Variants in SLFN5 observed in about 807,000 individuals in gnomAD.
SLFN5 encodes schlafen family member 5.
Under a neutral mutation model 48.5 loss-of-function variants are expected in SLFN5, and 34 were observed. That is an observed-to-expected ratio of 0.70 (90% confidence interval 0.53 to 0.93). The LOEUF (loss-of-function observed/expected upper bound fraction) is 0.93, where lower values mean the gene tolerates loss of function less well. SLFN5 is among the 40% of genes least tolerant of loss of function. The pLI is 0.00. For missense variants in SLFN5, 1,006 were observed against 1,071.3 expected, an observed-to-expected ratio of 0.94 and a Z score of 0.85; for synonymous variants, 387 against 396.2, an observed-to-expected ratio of 0.98 and a Z score of 0.28.
chr17:35,246,597 G>C (rs888137891), intron 1 of SLFN5, among the ~76,000 whole-genome samples: 14 of 152,170 alleles, frequency 9.2e-5, no homozygotes, highest in African/African-American at 3.4e-4. Flanking sequence ...GCTCATGCCT[G>C]TAAACCCAGC....
Position 35,265,088 on chromosome 17 carries a change from A to T in SLFN5, c.1876A>T (p.Ile626Phe). The change falls in exon 5 of 5, where the codon ATC becomes TTC. Residue 626 changes from isoleucine (I) to phenylalanine (F), a missense_variant. Physicochemically the swap from Ile to Phe is conservative, Grantham distance 21 (BLOSUM62 0). Coordinates refer to ENST00000299977, the MANE Select transcript of SLFN5 (RefSeq NM_144975.4). ...KKLVSFSKKN[I>F]CQPVTRKTFM... ...TTCTTACAGTTTCAGCAAGAAAAAC[A>T]TCTGCCAGCCAGTGACCCGGAAAAC... The T allele has an allele frequency of 6.2e-7, 1 of 1,609,782 alleles. No individual in the cohort carries two copies. The highest frequency in any genetic ancestry group is 8.5e-7 in the Non-Finnish European group (1 of 1,178,178).
At chr17:35,250,655 T>A (rs1212081765) in intron 1 of SLFN5, among the ~76,000 whole-genome samples, 2 of 77,230 alleles carry the variant, frequency 2.6e-5, no homozygotes, top group Non-Finnish European at 5.2e-5. Context: ...GCAAGACTCA[T>A]CTCAAAAAAA....
In SLFN5 at chr17:35,272,773, G is replaced by A. The variant is rs184349197; in HGVS notation, c.*6885G>A. ...AATTTAAAATAGCTCCTAAAGATAT[G>A]GAAACATTACTCATGATAGCAGAAG... On this transcript the variant is annotated 3_prime_UTR_variant, in exon 5 of 5. Transcript: ENST00000299977. 2 of 152,318 alleles carry A rather than the reference G, an allele frequency of 1.3e-5. No individual in the cohort carries two copies. The highest frequency in any genetic ancestry group is 4.8e-5 in the African/African-American group (2 of 41,582). The allele number at this position is 152,318 out of a possible 1,614,324, so 9.4% of individuals were successfully genotyped here. A position where few individuals can be genotyped will look rare whatever the true frequency, so the allele number is the denominator to read the frequency against.
Position 35,270,866 on chromosome 17 carries a change from C to T in SLFN5, c.*4978C>T. ...AATGTCCCTTGGGGGGTAAAATCACCACCACCATACCTCTTTTGACTAAAA... is the reference window on the plus strand; with the variant it reads ...AATGTCCCTTGGGGGGTAAAATCACTACCACCATACCTCTTTTGACTAAAA... On this transcript the variant is annotated 3_prime_UTR_variant, in exon 5 of 5. Transcript: ENST00000299977. 6.6e-6 allele frequency: 1 copy of T among 152,218 alleles called. No homozygotes were observed. Among genetic ancestry groups the T allele is most frequent in the Non-Finnish European group, 1.5e-5 (1 of 68,004 alleles). 9.4% of individuals were successfully genotyped at this position (152,218 alleles called of 1,614,324 possible). A position where few individuals can be genotyped will look rare whatever the true frequency, so the allele number is the denominator to read the frequency against.
intron 1 of SLFN5, among the ~76,000 whole-genome samples, chr17:35,252,858 T>C (rs189585693): frequency 2.4e-3 from 365 of 152,074 alleles, no homozygotes; most frequent in Non-Finnish European, 4.2e-3. Context: ...CCTCTCCCAC[T>C]TCTGCTTGCC....
At position 35,264,551 on chromosome 17, in the gene SLFN5, G is replaced by T. The variant is rs1904617587; in HGVS notation, c.1507G>T (p.Ala503Ser). ...CTGTGTGCTGAATTCTGATAGAAAAGCACAGAGCGTTTACAGTTCGTATTT... is the reference window on the plus strand; with the variant it reads ...CTGTGTGCTGAATTCTGATAGAAAATCACAGAGCGTTTACAGTTCGTATTT... ...LVCVLNSDRK[A>S]QSVYSSYLQI... Residue 503 changes from alanine (A) to serine (S), a missense_variant, in exon 4 of 5, where the codon GCA (alanine) becomes TCA (serine). Coordinates refer to ENST00000299977, the MANE Select transcript of SLFN5 (RefSeq NM_144975.4). 6.2e-7 allele frequency: 1 copy of T among 1,614,150 alleles called. No homozygotes were observed. Among genetic ancestry groups the T allele is most frequent in the Non-Finnish European group, 8.5e-7 (1 of 1,180,032 alleles).
Position 35,265,137 on chromosome 17 carries a change from A to G in SLFN5, c.1925A>G (p.His642Arg). The G allele has an allele frequency of 6.2e-7, 1 of 1,614,120 alleles. No homozygotes were observed. The highest frequency in any genetic ancestry group is 8.5e-7 in the Non-Finnish European group (1 of 1,180,018). Residue 642 changes from histidine to arginine, a missense_variant, in exon 5 of 5, where the codon CAC becomes CGC. His to Arg is a conservative substitution (Grantham distance 29, BLOSUM62 0). Transcript: ENST00000299977. ...RKTFMKNNFE[H>R]IQHIIIDDAQ... ...ACCTTCATGAAAAACAACTTTGAAC[A>G]CATCCAGCACATTATCATTGATGAC...
chr17:35,248,008 T>C (rs755131760), intron 1 of SLFN5, among the ~76,000 whole-genome samples: 26 of 152,200 alleles, frequency 1.7e-4, no homozygotes, highest in Non-Finnish European at 3.4e-4. Flanking sequence ...TGCCCAACTG[T>C]ACGGTTGGGG....
chr17:35,257,116 GA>G (rs1904367184), intron 1 of SLFN5, among the ~76,000 whole-genome samples: 4 of 152,026 alleles, frequency 2.6e-5, no homozygotes, highest in Admixed American at 2.0e-4. Flanking sequence ...CCCCATCCGT[GA>G]AAAAATTGTC....
chr17:35,252,375 G>A (rs1320036388), intron 1 of SLFN5, among the ~76,000 whole-genome samples: 1 of 152,110 alleles, frequency 6.6e-6, no homozygotes. Flanking sequence ...AGGCTATAGT[G>A]AGCCATGACT....
At chr17:35,261,231 A>G (rs1597653349) in intron 3 of SLFN5, 135 bp downstream of exon 3, 2 of 1,003,866 alleles carry the variant, frequency 2.0e-6, no homozygotes, top group East Asian at 5.7e-5. Context: ...AACCTTTAAA[A>G]CTTTTAGTAG....
chr17:35,268,928 A>G lies in SLFN5; in HGVS notation c.*3040A>G, dbSNP rs953488952. ...TCCCACATCCTGCATTAGGACAGTG[A>G]TCAGGGATCAGTATCCTTCATTGAC... On this transcript the variant is annotated 3_prime_UTR_variant, in exon 5 of 5. Coordinates refer to ENST00000299977, the MANE Select transcript of SLFN5 (RefSeq NM_144975.4). 2 of 152,246 alleles carry G rather than the reference A, an allele frequency of 1.3e-5. No homozygotes were observed. The highest frequency in any genetic ancestry group is 4.8e-5 in the African/African-American group (2 of 41,454). The allele number at this position is 152,246 out of a possible 1,614,324, so 9.4% of individuals were successfully genotyped here. A position where few individuals can be genotyped will look rare whatever the true frequency, so the allele number is the denominator to read the frequency against.
chr17:35,245,270 A>G (rs553442862), intron 1 of SLFN5, among the ~76,000 whole-genome samples: 1 of 152,244 alleles, frequency 6.6e-6, no homozygotes, highest in Non-Finnish European at 1.5e-5. Context: ...ATTAGAGTTG[A>G]TCTGGTAAGT....
intron 1 of SLFN5, among the ~76,000 whole-genome samples, chr17:35,251,300 G>A (rs1409203274): frequency 6.6e-6 from 1 of 152,202 alleles, no homozygotes; most frequent in Non-Finnish European, 1.5e-5. Context: ...AGCTGTCACT[G>A]CAAAACTTGA....
rs770741775 is a variant in SLFN5, at chr17:35,266,141, G to GGTGT, written c.*253_*254insGTGT. 0.06 allele frequency: 20,948 copies of GGTGT among 350,516 alleles called. 1,097 individuals carry two copies. Among genetic ancestry groups the GGTGT allele is most frequent in the Admixed American group, 0.084 (1,592 of 18,928 alleles). 21.7% of individuals were successfully genotyped at this position (350,516 alleles called of 1,614,324 possible). ...TAATTAGAGGACCGTGAGACTCAGA[G>GGTGT]ATGTGTGTGTGTGTGTGTGTGTGTG... is the stretch of plus-strand genomic sequence containing the variant. On this transcript the variant is annotated 3_prime_UTR_variant, in exon 5 of 5. Transcript: ENST00000299977.
intron 1 of SLFN5, among the ~76,000 whole-genome samples, chr17:35,245,656 A>G (rs1427231229): frequency 6.6e-6 from 1 of 152,152 alleles, no homozygotes; most frequent in Non-Finnish European, 1.5e-5. Flanking sequence ...CATTGTGGGT[A>G]CCAATAGTTC....
Position 35,246,744 on chromosome 17 carries a change from A to G in SLFN5, c.-41+3601A>G, listed in dbSNP as rs930274519. Among the ~76,000 whole-genome samples the G allele has an allele frequency of 1.0e-3, 156 of 151,870 alleles. 1 individual carries two copies. Among genetic ancestry groups the G allele is most frequent in the Non-Finnish European group, 2.2e-4 (15 of 67,984 alleles). ...GTGGTGGGCACCTGTAATCCCAGCT[A>G]CTAGAGAGGCTGAGGCAGGAGAATC... On this transcript the variant is annotated intron_variant, in intron 1 of 4. Coordinates refer to ENST00000299977, the MANE Select transcript of SLFN5 (RefSeq NM_144975.4).
At chr17:35,256,953 G>A (rs956499754) in intron 1 of SLFN5, among the ~76,000 whole-genome samples, 1 of 152,144 alleles carries the variant, frequency 6.6e-6, no homozygotes, top group South Asian at 2.1e-4. Flanking sequence ...CGTATCAGCG[G>A]TGGCATTAGA....
chr17:35,254,703 C>T (rs941168728), intron 1 of SLFN5, among the ~76,000 whole-genome samples: 4 of 151,652 alleles, frequency 2.6e-5, no homozygotes, highest in African/African-American at 7.3e-5. Flanking sequence ...ATTCCTTCTG[C>T]GTACATGTTG....
Sources: allele counts gnomAD v4.1 joint callset (sites outside exome capture counted in the v4.1 genomes callset), GRCh38; gene constraint gnomAD v4.1.1; transcripts MANE v1.5; gene names NCBI Gene and HGNC (gene_info 2026-07-23, HGNC 2026-07-21).